Variants in TMEM45B observed in about 807,000 individuals in gnomAD.
TMEM45B encodes the protein transmembrane protein 45B.
TMEM45B carries 29 observed loss-of-function variants against 27.3 expected under a neutral mutation model. That is an observed-to-expected ratio of 1.06 (90% confidence interval 0.79 to 1.45). The LOEUF (loss-of-function observed/expected upper bound fraction) is 1.45. Among genes scored for constraint, TMEM45B ranks in the 40% most tolerant of loss-of-function variants. The probability of loss-of-function intolerance (pLI) is 0.00; values close to 1 mark genes in which losing one functional copy is unlikely to be tolerated. For missense variants in TMEM45B, 348 were observed against 343.9 expected (o/e 1.01, Z -0.09); for synonymous variants, 143 against 134.7 (o/e 1.06, Z -0.43).
At chr11:129,828,191 TAGAA>T (rs1947508830) in intron 1 of TMEM45B, 1 of 152,188 alleles carries the variant, frequency 6.6e-6, no homozygotes, top group Admixed American at 6.5e-5. Context: ...TGGAAAATTT[TAGAA>T]AGAGAGAGAC....
intron 1 of TMEM45B, chr11:129,850,717 A>G (rs934801312): frequency 2.0e-5 from 3 of 152,112 alleles, no homozygotes; most frequent in African/African-American, 7.2e-5. Context: ...CGGTATCTCT[A>G]TCAACATTCT....
chr11:129,836,348 C>G (rs948732009), intron 1 of TMEM45B, among the ~76,000 whole-genome samples: 2 of 152,084 alleles, frequency 1.3e-5, no homozygotes, highest in African/African-American at 2.4e-5. Flanking sequence ...CTGGTTTAGA[C>G]GATACTTACA....
chr11:129,852,887 C>A (rs2141786), intron 2 of TMEM45B: 60,990 of 387,886 alleles, frequency 0.16, 5,131 homozygotes, highest in South Asian at 0.27. Context: ...AAACTCAAAT[C>A]AACAAGGACA....
intron 1 of TMEM45B, among the ~76,000 whole-genome samples, chr11:129,830,188 G>A (rs1947531407): frequency 6.6e-6 from 1 of 152,210 alleles, no homozygotes; most frequent in Non-Finnish European, 1.5e-5. Flanking sequence ...TTAGCCAGGT[G>A]TGGTGGCGCA....
intron 1 of TMEM45B, among the ~76,000 whole-genome samples, chr11:129,826,765 T>C (rs1011397566): frequency 4.0e-5 from 6 of 149,870 alleles, no homozygotes; most frequent in African/African-American, 7.3e-5. Context: ...TGGAATGCAG[T>C]GGCGCGATCT....
At chr11:129,826,567 A>AAGAAAAAT (rs1555069266) in intron 1 of TMEM45B, among the ~76,000 whole-genome samples, 5 of 96,126 alleles carry the variant, frequency 5.2e-5, no homozygotes, top group Non-Finnish European at 6.0e-5. Flanking sequence ...AAAAAAAAAA[A>AAGAAAAAT]AGGACCCTGA....
intron 1 of TMEM45B, among the ~76,000 whole-genome samples, chr11:129,846,249 C>T (rs1383630144): frequency 6.6e-6 from 1 of 152,208 alleles, no homozygotes; most frequent in Non-Finnish European, 1.5e-5. Context: ...AGGTGGATCA[C>T]CTGAGGTCAA....
At chr11:129,816,080 G>C (rs370835575) in intron 1 of TMEM45B, among the ~76,000 whole-genome samples, 182 bp downstream of exon 1, 38 of 152,278 alleles carry the variant, frequency 2.5e-4, no homozygotes, top group Non-Finnish European at 4.7e-4. Flanking sequence ...AGGGGAGGAC[G>C]GGAGGGGATG....
At chr11:129,837,585 C>CTTTTTTTTTTTTTT (rs200040338) in intron 1 of TMEM45B, among the ~76,000 whole-genome samples, 7,564 of 79,432 alleles carry the variant, frequency 0.095, 1,605 homozygotes, top group South Asian at 0.15. Flanking sequence ...CTGCACTGGG[C>CTTTTTTTTTTTTTT]TTTTTTTTTT....
chr11:129,822,985 C>A (rs1458708669), intron 1 of TMEM45B, among the ~76,000 whole-genome samples: 4 of 151,886 alleles, frequency 2.6e-5, no homozygotes, highest in African/African-American at 7.2e-5. Context: ...GGATTACAGG[C>A]GCCCACCACC....
At chr11:129,820,950 A>G (rs1396879529) in intron 1 of TMEM45B, among the ~76,000 whole-genome samples, 1 of 152,066 alleles carries the variant, frequency 6.6e-6, no homozygotes, top group Non-Finnish European at 1.5e-5. Flanking sequence ...TCTGGATGAC[A>G]TCTATTGACA....
At chr11:129,851,112 G>GT (rs1947840291) in intron 1 of TMEM45B, among the ~76,000 whole-genome samples, 1 of 152,192 alleles carries the variant, frequency 6.6e-6, no homozygotes, top group Middle Eastern at 3.2e-3. Context: ...GCAGCATCTG[G>GT]TGTCTGCTGA....
At chr11:129,837,335 A>G (rs922150294) in intron 1 of TMEM45B, among the ~76,000 whole-genome samples, 38 of 151,120 alleles carry the variant, frequency 2.5e-4, no homozygotes, top group Admixed American at 1.9e-3. Context: ...TCTCAGGCTG[A>G]AGTGCAGTGG....
In TMEM45B at chr11:129,848,350, A is replaced by C. The variant is rs545324413; in HGVS notation, c.-8-4125A>C. On this transcript the variant is annotated intron_variant, in intron 1 of 5. Coordinates refer to ENST00000281441, the MANE Select transcript of TMEM45B (RefSeq NM_138788.5). ...ACACAGCGAAACCCCGTCTCCACCA[A>C]AAAAATACGAAAACCCGTCAGGCGT... Among the ~76,000 whole-genome samples the C allele has an allele frequency of 9.4e-3, 1,427 of 152,276 alleles. 9 individuals carry two copies. Among genetic ancestry groups the C allele is most frequent in the African/African-American group, 0.033 (1,355 of 41,566 alleles).
chr11:129,817,358 C>A (rs998762698), intron 1 of TMEM45B, among the ~76,000 whole-genome samples: 3 of 152,168 alleles, frequency 2.0e-5, no homozygotes, highest in Non-Finnish European at 4.4e-5. Flanking sequence ...CTCTTTGTGA[C>A]AGTGAGCTTC....
chr11:129,850,109 G>A (rs1359876002), intron 1 of TMEM45B, among the ~76,000 whole-genome samples: 1 of 151,134 alleles, frequency 6.6e-6, no homozygotes, highest in African/African-American at 2.4e-5. Context: ...CTTTCCTTTT[G>A]ATGGTAAATT....
intron 1 of TMEM45B, among the ~76,000 whole-genome samples, chr11:129,836,622 G>T (rs187887696): frequency 7.9e-4 from 120 of 152,276 alleles, no homozygotes; most frequent in African/African-American, 2.7e-3. Context: ...CCCAAATGCA[G>T]TATGAGTAAT....
chr11:129,837,058 A>T (rs552163341), intron 1 of TMEM45B, among the ~76,000 whole-genome samples: 1 of 152,278 alleles, frequency 6.6e-6, no homozygotes, highest in Non-Finnish European at 1.5e-5. Context: ...CCAGAGTCTC[A>T]GCAATGCCGA....
In TMEM45B at chr11:129,841,558, G is replaced by T. The variant is rs757888827; in HGVS notation, c.-8-10917G>T. 7.1e-4 allele frequency among the ~76,000 whole-genome samples: 107 copies of T among 151,074 alleles called. 10 individuals are homozygous for T. The highest frequency in any genetic ancestry group is 2.9e-5 in the Non-Finnish European group (2 of 67,814). ...ACAGAGGGACTGACAGGGGTTGGAA[G>T]TGTAATGGGCTTGAAGTTTTCTTTT... On this transcript the variant is annotated intron_variant, in intron 1 of 5. Transcript: ENST00000281441.
Sources: gnomAD v4.1 joint callset for allele counts (sites outside exome capture counted in the v4.1 genomes callset) on GRCh38, gnomAD v4.1.1 for gene constraint, MANE v1.5 for transcripts, NCBI Gene and HGNC (gene_info 2026-07-23, HGNC 2026-07-21) for gene names.